The following PCDHGA7 variants were observed in gnomAD, a reference collection of about 807,000 sequenced individuals.
PCDHGA7 encodes the protein protocadherin gamma subfamily A, 7.
Under a neutral mutation model 58.3 loss-of-function variants are expected in PCDHGA7, and 44 were observed. The observed-to-expected ratio is 0.75, with a 90% CI of 0.59 to 0.97. The LOEUF is 0.97. Among genes scored for constraint, PCDHGA7 ranks in the 50% least tolerant of loss-of-function variants. The pLI, the probability that PCDHGA7 is intolerant of heterozygous loss-of-function variation, is 0.00. For missense variants in PCDHGA7, 1,266 were observed against 1,188.7 expected (o/e 1.06, Z -0.96); for synonymous variants, 516 against 504.2 (o/e 1.02, Z -0.31).
intron 1 of PCDHGA7, among the ~76,000 whole-genome samples, chr5:141,445,490 C>T (rs1181158971): frequency 6.6e-6 from 1 of 152,134 alleles, no homozygotes; most frequent in Non-Finnish European, 1.5e-5. Flanking sequence ...AGTTAATGGG[C>T]CCTATTCTAA....
chr5:141,418,527 G>A, intron 1 of PCDHGA7: 2 of 1,614,018 alleles, frequency 1.2e-6, no homozygotes, highest in South Asian at 1.1e-5. Flanking sequence ...CCTCCCCGAA[G>A]CGGTACTGCT....
At chr5:141,439,741 A>C (rs1303886454) in intron 1 of PCDHGA7, 1 of 152,352 alleles carries the variant, frequency 6.6e-6, no homozygotes, top group African/African-American at 2.4e-5. Flanking sequence ...AACGGAACGG[A>C]TTTACAGGCA....
Position 141,413,476 on chromosome 5 carries a change from G to T in PCDHGA7, c.2424+28153G>T, listed in dbSNP as rs566734719. 2.1e-5 allele frequency: 34 copies of T among 1,614,004 alleles called. No homozygotes were observed. The South Asian group carries it at 3.7e-4, about 18-fold the overall frequency. ...CAGGATAGACCGGGAGGAGCTCTGC[G>T]CTCAGAGCGCGCGGTGCGTGGTGAG... On this transcript the variant is annotated intron_variant, in intron 1 of 3. Coordinates refer to ENST00000518325, the MANE Select transcript of PCDHGA7 (RefSeq NM_018920.4).
chr5:141,400,502 A>C, intron 1 of PCDHGA7: 1 of 1,614,020 alleles, frequency 6.2e-7, no homozygotes, highest in Non-Finnish European at 8.5e-7. Flanking sequence ...AATTCCAGCG[A>C]GTCGACTTCC....
Position 141,431,474 on chromosome 5 carries a change from G to C in PCDHGA7, c.2424+46151G>C. On this transcript the variant is annotated intron_variant, in intron 1 of 3. Coordinates refer to ENST00000518325, the MANE Select transcript of PCDHGA7 (RefSeq NM_018920.4). The surrounding 1 kb of genome is among the most constrained non-coding windows in gnomAD (Gnocchi z 4.8). The stretch of plus-strand genomic sequence containing the variant: ...GATGGTTCTGGATGCGAACGACAAC[G>C]CACCAGCGTTTGCTCAGCCCGAGTA... 6.2e-7 allele frequency: 1 copy of C among 1,613,842 alleles called. No individual in the cohort carries two copies. The highest frequency in any genetic ancestry group is 8.5e-7 in the Non-Finnish European group (1 of 1,179,958).
At position 141,382,942 on chromosome 5, in the gene PCDHGA7, C is replaced by A. The variant is rs763091165; in HGVS notation, c.43C>A (p.Leu15Met). The A allele has an allele frequency of 3.1e-6, 5 of 1,595,522 alleles. No individual in the cohort carries two copies. The highest frequency in any genetic ancestry group is 4.3e-6 in the Non-Finnish European group (5 of 1,168,804). The change falls in exon 1 of 4, where the codon CTG becomes ATG. Residue 15 changes from leucine to methionine, a missense_variant. Physicochemically the swap from Leu to Met is conservative, Grantham distance 15. Coordinates refer to ENST00000518325, the MANE Select transcript of PCDHGA7 (RefSeq NM_018920.4). The stretch of plus-strand genomic sequence containing the variant: ...GGGCGGGGACTACAGAGGATTCTTC[C>A]TGCTCTCCATCCTCCTGGGGACCCC... Reference protein sequence around the residue: ...PRGGDYRGFFLLSILLGTPWE... With the variant: ...PRGGDYRGFFMLSILLGTPWE...
intron 1 of PCDHGA7, chr5:141,412,746 C>T (rs2095574250): frequency 6.5e-6 from 1 of 154,106 alleles, no homozygotes; most frequent in Non-Finnish European, 1.4e-5. Context: ...ATATATTTAA[C>T]CAAACATTAT....
chr5:141,486,828 G>A lies in PCDHGA7; in HGVS notation c.2425-7979G>A, dbSNP rs140257646. 77 of 1,614,218 alleles carry A rather than the reference G, an allele frequency of 4.8e-5. 1 individual carries two copies. In the East Asian group the frequency reaches 1.2e-3, roughly 26 times the overall value. On this transcript the variant is annotated intron_variant, in intron 1 of 3. Transcript: ENST00000518325. This position sits in a 1 kb window ranked among gnomAD's most constrained non-coding sequence, Gnocchi z 5.0. ...CCCCTTAGCAGCACTGTAACAGTTCGTCTATTTGTGCTGGACCTCAATGAC... is the reference window on the plus strand; with the variant it reads ...CCCCTTAGCAGCACTGTAACAGTTCATCTATTTGTGCTGGACCTCAATGAC...
intron 1 of PCDHGA7, chr5:141,385,673 C>T (rs1253807650): frequency 2.6e-6 from 1 of 384,964 alleles, no homozygotes; most frequent in Non-Finnish European, 3.8e-6. Context: ...TAAAACACAC[C>T]TCAGCTGTCT....
chr5:141,464,725 A>G (rs538200804), intron 1 of PCDHGA7, among the ~76,000 whole-genome samples: 27 of 152,178 alleles, frequency 1.8e-4, no homozygotes, highest in African/African-American at 5.1e-4. Flanking sequence ...TCATATGTTT[A>G]AAAGCCAGTT....
Position 141,415,740 on chromosome 5 carries a change from GTTTTTTTTTTTTTTTT to G in PCDHGA7, c.2424+30434_2424+30449del, listed in dbSNP as rs57426385. 54 of 625,040 alleles carry G rather than the reference GTTTTTTTTTTTTTTTT, an allele frequency of 8.6e-5. 1 individual carries two copies. The East Asian group carries it at 1.4e-3, about 16-fold the overall frequency. The allele number at this position is 625,040 out of a possible 1,614,324, so 38.7% of individuals were successfully genotyped here. ...TGAGTAGAATTTGATGTTTATTAAG[GTTTTTTTTTTTTTTTT>G]TTTTTTTTTTTTTTTTACTTTCTGG... On this transcript the variant is annotated intron_variant, in intron 1 of 3. Transcript: ENST00000518325.
intron 1 of PCDHGA7, chr5:141,422,116 T>G (rs753281558): frequency 1.2e-6 from 2 of 1,604,612 alleles, no homozygotes; most frequent in African/African-American, 1.3e-5. Flanking sequence ...CCAATTGGAT[T>G]CACAAACTGG....
Position 141,410,620 on chromosome 5 carries a change from G to A in PCDHGA7, c.2424+25297G>A, listed in dbSNP as rs765125633. 4 of 1,603,524 alleles carry A rather than the reference G, an allele frequency of 2.5e-6. No homozygotes were observed. In the South Asian group the frequency reaches 3.3e-5, roughly 13 times the overall value. On this transcript the variant is annotated intron_variant, in intron 1 of 3. Coordinates refer to ENST00000518325, the MANE Select transcript of PCDHGA7 (RefSeq NM_018920.4). The stretch of plus-strand genomic sequence containing the variant: ...CTTCACATCCTGAGACTCTGACTTC[G>A]GTGAGTTTCTCTTTTTTGTGTGTGA...
chr5:141,478,155 G>A (rs138384601), intron 1 of PCDHGA7: 1 of 1,613,992 alleles, frequency 6.2e-7, no homozygotes, highest in Non-Finnish European at 8.5e-7. Context: ...TTCCCCTCTG[G>A]CTCTGCCCCC....
chr5:141,419,872 A>G (rs1354880437), intron 1 of PCDHGA7: 1 of 1,614,094 alleles, frequency 6.2e-7, no homozygotes, highest in Admixed American at 1.7e-5. Flanking sequence ...TGCAAGAGGT[A>G]CTGCCGGATT....
intron 1 of PCDHGA7, chr5:141,409,039 C>G: frequency 1.9e-6 from 3 of 1,614,004 alleles, no homozygotes; most frequent in Non-Finnish European, 1.7e-6. Flanking sequence ...AGATAAACTA[C>G]TACTTCCGAA....
At position 141,491,733 on chromosome 5, in the gene PCDHGA7, TGGGGGCGGCAC is replaced by T; in HGVS notation, c.2425-3073_2425-3063del. 1.9e-6 allele frequency: 3 copies of T among 1,602,698 alleles called. No individual in the cohort carries two copies. The highest frequency in any genetic ancestry group is 2.6e-6 in the Non-Finnish European group (3 of 1,175,258). On this transcript the variant is annotated intron_variant, in intron 1 of 3. Coordinates refer to ENST00000518325, the MANE Select transcript of PCDHGA7 (RefSeq NM_018920.4). The surrounding 1 kb of genome is among the most constrained non-coding windows in gnomAD (Gnocchi z 6.9). ...GCTCGGCGCCGCCCCGGGCGACCCC[TGGGGGCGGCAC>T]TGGAGAAGCCGCCCGTCCTCATAAG...
intron 1 of PCDHGA7, chr5:141,411,017 A>C (rs140607036): frequency 6.2e-6 from 1 of 162,372 alleles, no homozygotes; most frequent in Non-Finnish European, 1.3e-5. Context: ...CCACAGCTAA[A>C]TTTTTTGTAT....
At chr5:141,394,530 A>C in intron 1 of PCDHGA7, 1 of 1,614,140 alleles carries the variant, frequency 6.2e-7, no homozygotes, top group African/African-American at 1.3e-5. Flanking sequence ...AGACGGTTCC[A>C]CTGGCGTGGA....
Sources: allele counts gnomAD v4.1 joint callset (sites outside exome capture counted in the v4.1 genomes callset), GRCh38; gene constraint gnomAD v4.1.1; non-coding constraint Gnocchi (gnomAD v3.1); transcripts MANE v1.5; gene names NCBI Gene and HGNC (gene_info 2026-07-23, HGNC 2026-07-21).